Variants in MCTP1 observed in about 807,000 individuals in gnomAD.
MCTP1 encodes the protein multiple C2 and transmembrane domain-containing protein 1.
A neutral mutation model predicts 120.6 loss-of-function variants in MCTP1; 69 were observed. The observed-to-expected ratio is 0.57, with a 90% CI of 0.47 to 0.70. MCTP1 has a LOEUF of 0.70. Ranked by LOEUF, MCTP1 falls within the 30% of genes least tolerant of loss-of-function variation. The pLI, the probability that MCTP1 is intolerant of heterozygous loss-of-function variation, is 0.00. For synonymous variants in MCTP1, 529 were observed against 493.1 expected, an observed-to-expected ratio of 1.07 and a Z score of -0.96; for missense variants, 1,203 against 1,248.8, an observed-to-expected ratio of 0.96 and a Z score of 0.55.
intron 1 of MCTP1, among the ~76,000 whole-genome samples, chr5:95,203,681 C>T (rs184767377): frequency 4.6e-5 from 7 of 152,116 alleles, no homozygotes; most frequent in African/African-American, 1.7e-4. Context: ...GAAAGAAAGC[C>T]AGTAAAACAA....
intron 1 of MCTP1, among the ~76,000 whole-genome samples, chr5:95,195,112 C>T (rs1750232259): frequency 6.6e-6 from 1 of 152,106 alleles, no homozygotes; most frequent in Non-Finnish European, 1.5e-5. Context: ...GAAGGTGGCA[C>T]CAGGAGAGTC....
chr5:94,802,949 T>C (rs1781518710), intron 17 of MCTP1, among the ~76,000 whole-genome samples: 1 of 152,136 alleles, frequency 6.6e-6, no homozygotes, highest in Non-Finnish European at 1.5e-5. Context: ...GAGTGTTAAA[T>C]TCCTTCACCT....
chr5:95,046,228 T>C (rs1281117349), intron 1 of MCTP1, among the ~76,000 whole-genome samples: 1 of 152,146 alleles, frequency 6.6e-6, no homozygotes, highest in Non-Finnish European at 1.5e-5. Flanking sequence ...TTCATTGCTA[T>C]TATTACCTTA....
chr5:95,125,891 T>C (rs1049935966), intron 1 of MCTP1, among the ~76,000 whole-genome samples: 2 of 149,802 alleles, frequency 1.3e-5, no homozygotes, highest in Non-Finnish European at 3.0e-5. Context: ...AATGTCTAAT[T>C]ATCCAACAAG....
At chr5:94,764,179 G>A (rs1771998697) in intron 19 of MCTP1, among the ~76,000 whole-genome samples, 1 of 152,152 alleles carries the variant, frequency 6.6e-6, no homozygotes, top group Non-Finnish European at 1.5e-5. Context: ...TGTGGCCTGT[G>A]TCACCCAAAG....
chr5:95,015,706 T>C (rs1310749543), intron 2 of MCTP1, among the ~76,000 whole-genome samples: 2 of 152,138 alleles, frequency 1.3e-5, no homozygotes, highest in Admixed American at 1.3e-4. Context: ...TTTCTAGAGA[T>C]TTTCATTATT....
chr5:94,774,842 CT>C (rs1477459903), intron 19 of MCTP1, among the ~76,000 whole-genome samples: 1 of 152,206 alleles, frequency 6.6e-6, no homozygotes, highest in Non-Finnish European at 1.5e-5. Flanking sequence ...AAGCCTTAAT[CT>C]TTTTCCCCAC....
intron 2 of MCTP1, among the ~76,000 whole-genome samples, chr5:95,001,878 A>G (rs963808782): frequency 7.9e-5 from 12 of 152,230 alleles, no homozygotes; most frequent in African/African-American, 2.9e-4. Flanking sequence ...AAATGTCGAC[A>G]GGGCATGTCA....
intron 19 of MCTP1, among the ~76,000 whole-genome samples, chr5:94,778,288 T>G (rs912378280): frequency 1.6e-4 from 24 of 152,128 alleles, no homozygotes; most frequent in Non-Finnish European, 3.2e-4. Context: ...ACTAACGATT[T>G]TCTCTCCTCT....
chr5:94,776,243 C>T (rs938684892), intron 19 of MCTP1, among the ~76,000 whole-genome samples: 10 of 152,136 alleles, frequency 6.6e-5, no homozygotes, highest in African/African-American at 9.7e-5. Flanking sequence ...TATGCCCACA[C>T]GGACCTTGTC....
At chr5:95,054,444 A>T (rs1392654715) in intron 1 of MCTP1, among the ~76,000 whole-genome samples, 1 of 152,216 alleles carries the variant, frequency 6.6e-6, no homozygotes, top group Non-Finnish European at 1.5e-5. Flanking sequence ...AAGACATAAA[A>T]ATGGACGAAT....
chr5:94,746,448 T>C (rs6863451), intron 19 of MCTP1, among the ~76,000 whole-genome samples: 351 of 152,328 alleles, frequency 2.3e-3, no homozygotes, highest in African/African-American at 8.1e-3. Flanking sequence ...ATATGTAAAA[T>C]GATGCTCTTT....
chr5:95,164,018 C>T (rs530060670), intron 1 of MCTP1, among the ~76,000 whole-genome samples: 1 of 152,008 alleles, frequency 6.6e-6, no homozygotes, highest in African/African-American at 2.4e-5. Context: ...ATTTGAAATT[C>T]TTTGTATCTA....
chr5:95,062,975 C>T (rs946271725), intron 1 of MCTP1, among the ~76,000 whole-genome samples: 2 of 151,966 alleles, frequency 1.3e-5, no homozygotes, highest in African/African-American at 4.8e-5. Context: ...TGTGCCACCT[C>T]GCCCAGCTAA....
chr5:95,052,451 T>G (rs556070957), intron 1 of MCTP1, among the ~76,000 whole-genome samples: 1 of 152,238 alleles, frequency 6.6e-6, no homozygotes, highest in African/African-American at 2.4e-5. Context: ...CTGGAATTCC[T>G]GTATTTTATC....
rs373223491 is a variant in MCTP1 at position 95,217,612 on chromosome 5, T to C, written c.720+66244A>G. Among the ~76,000 whole-genome samples the C allele has an allele frequency of 1.8e-3, 275 of 152,286 alleles. 12 individuals are homozygous for C. The South Asian group carries it at 0.054, about 30-fold the overall frequency. ...CTGTAATTAATTTCTGTGAGAACAA[T>C]GGGGCATTAAATGAGGAGTTCACAG... is the stretch of plus-strand genomic sequence containing the variant. On this transcript the variant is annotated intron_variant, in intron 1 of 22. Transcript: ENST00000515393.
At chr5:95,017,067 C>T (rs188653095) in intron 2 of MCTP1, among the ~76,000 whole-genome samples, 13 of 152,132 alleles carry the variant, frequency 8.5e-5, no homozygotes, top group Non-Finnish European at 2.9e-5. Context: ...CAAATATATG[C>T]CTCACTTATG....
intron 19 of MCTP1, among the ~76,000 whole-genome samples, chr5:94,750,338 G>A (rs1767999779): frequency 1.3e-5 from 2 of 152,110 alleles, no homozygotes; most frequent in African/African-American, 4.8e-5. Context: ...ATATCTGGGG[G>A]GCAAATGAAA....
At chr5:95,135,403 T>A (rs1759377464) in intron 1 of MCTP1, among the ~76,000 whole-genome samples, 1 of 152,144 alleles carries the variant, frequency 6.6e-6, no homozygotes, top group African/African-American at 2.4e-5. Flanking sequence ...GAATGAAATA[T>A]CATTAGCTTT....
Sources: gnomAD v4.1 joint callset for allele counts (sites outside exome capture counted in the v4.1 genomes callset) on GRCh38, gnomAD v4.1.1 for gene constraint, MANE v1.5 for transcripts, NCBI Gene and HGNC (gene_info 2026-07-23, HGNC 2026-07-21) for gene names.